PTBP3: variants seen among roughly 807,000 people sequenced by gnomAD.
PTBP3 encodes polypyrimidine tract-binding protein 3.
PTBP3 carries 20 observed loss-of-function variants against 58.7 expected under a neutral mutation model. The observed-to-expected ratio is 0.34, with a 90% CI of 0.24 to 0.50. PTBP3 has a LOEUF of 0.50. Ranked by LOEUF, PTBP3 falls within the 20% of genes least tolerant of loss-of-function variation. The probability of loss-of-function intolerance (pLI) is 0.98; values close to 1 mark genes in which losing one functional copy is unlikely to be tolerated. For missense variants in PTBP3, 509 were observed against 637.2 expected, an observed-to-expected ratio of 0.80 and a Z score of 2.17; for synonymous variants, 185 against 219.8, an observed-to-expected ratio of 0.84 and a Z score of 1.40.
chr9:112,287,274 T>C (rs1471648696), intron 2 of PTBP3, among the ~76,000 whole-genome samples: 1 of 151,942 alleles, frequency 6.6e-6, no homozygotes, highest in Non-Finnish European at 1.5e-5. Flanking sequence ...TATACATATG[T>C]GTGTTTAGAC....
chr9:112,306,591 T>C (rs1434149104), intron 1 of PTBP3, among the ~76,000 whole-genome samples: 3 of 99,576 alleles, frequency 3.0e-5, no homozygotes, highest in African/African-American at 1.4e-4. Flanking sequence ...AATTTGTATA[T>C]ATATATATAT....
At position 112,221,346 on chromosome 9, in the gene PTBP3, A is replaced by C; in HGVS notation, c.*2505T>G. 1.0e-6 allele frequency: 1 copy of C among 985,844 alleles called. No individual in the cohort carries two copies. Among genetic ancestry groups the C allele is most frequent in the Non-Finnish European group, 1.2e-6 (1 of 829,924 alleles). The allele number at this position is 985,844 out of a possible 1,614,324, so 61.1% of individuals were successfully genotyped here. A position where few individuals can be genotyped will look rare whatever the true frequency, so the allele number is the denominator to read the frequency against. On this transcript the variant is annotated 3_prime_UTR_variant, in exon 14 of 14. Transcript: ENST00000374257. Reference sequence around the variant, plus strand: ...AAAGGATTCAAATGTTCTCTCTCAGACTTAAAAGGCCATTCCCTACTTCAA... The same window carrying C: ...AAAGGATTCAAATGTTCTCTCTCAGCCTTAAAAGGCCATTCCCTACTTCAA...
intron 2 of PTBP3, among the ~76,000 whole-genome samples, chr9:112,285,580 G>T (rs10116045): frequency 2.0e-5 from 3 of 152,006 alleles, no homozygotes; most frequent in African/African-American, 7.2e-5. Flanking sequence ...TATTTCAGAC[G>T]TTGTGGGTCA....
At chr9:112,366,417 T>G in the PTBP3 span, among the ~76,000 whole-genome samples, 1 of 152,278 alleles carries the variant, frequency 6.6e-6, no homozygotes, top group Non-Finnish European at 1.5e-5. Context: ...TTTCATGAAC[T>G]GGGTCCAGTG....
chr9:112,330,730 C>T (rs1349363187), intron 1 of PTBP3, among the ~76,000 whole-genome samples: 1 of 152,128 alleles, frequency 6.6e-6, no homozygotes, highest in Non-Finnish European at 1.5e-5. Flanking sequence ...AAAGTATAGT[C>T]AAACTTCAAT....
At chr9:112,376,177 A>ATATATATATATATATC in the PTBP3 span, among the ~76,000 whole-genome samples, 1 of 128,682 alleles carries the variant, frequency 7.8e-6, no homozygotes, top group African/African-American at 2.9e-5. Context: ...ATATATATAT[A>ATATATATATATATATC]TCCTATTACT....
chr9:112,254,491 G>A (rs1836267265), intron 5 of PTBP3, among the ~76,000 whole-genome samples: 1 of 152,044 alleles, frequency 6.6e-6, no homozygotes, highest in Admixed American at 6.6e-5. Flanking sequence ...ATGATAATGG[G>A]TTAAGATCCA....
At chr9:112,323,276 G>T (rs1318403293) in intron 1 of PTBP3, among the ~76,000 whole-genome samples, 1 of 152,128 alleles carries the variant, frequency 6.6e-6, no homozygotes, top group East Asian at 1.9e-4. Flanking sequence ...CACATGGGAG[G>T]ATCCAGTTAA....
chr9:112,316,319 CT>C (rs1252647977), intron 1 of PTBP3, among the ~76,000 whole-genome samples: 1 of 152,170 alleles, frequency 6.6e-6, no homozygotes, highest in Admixed American at 6.5e-5. Flanking sequence ...TTTCAAAAGA[CT>C]TTTACCTCAT....
chr9:112,378,175 G>A, the PTBP3 span, among the ~76,000 whole-genome samples: 1 of 152,158 alleles, frequency 6.6e-6, no homozygotes, highest in African/African-American at 2.4e-5. Flanking sequence ...TGGGGTAGAA[G>A]GTCATGGGTA....
chr9:112,368,960 A>G, the PTBP3 span, among the ~76,000 whole-genome samples: 1 of 152,226 alleles, frequency 6.6e-6, no homozygotes, highest in Non-Finnish European at 1.5e-5. Context: ...TGTACAGCTC[A>G]GGCCATTGCT....
intron 2 of PTBP3, among the ~76,000 whole-genome samples, chr9:112,277,625 G>C (rs182388233): frequency 6.6e-6 from 1 of 152,018 alleles, no homozygotes; most frequent in Admixed American, 6.6e-5. Flanking sequence ...GGGAGGCTGA[G>C]GTGGGCTGAT....
At chr9:112,368,168 T>C in the PTBP3 span, among the ~76,000 whole-genome samples, 3 of 152,022 alleles carry the variant, frequency 2.0e-5, no homozygotes, top group Admixed American at 1.3e-4. Context: ...CTAATTTTTG[T>C]ATTTGTATTT....
At chr9:112,257,451 T>A (rs1836417039) in intron 5 of PTBP3, among the ~76,000 whole-genome samples, 1 of 152,214 alleles carries the variant, frequency 6.6e-6, no homozygotes, top group African/African-American at 2.4e-5. Flanking sequence ...GTTTCCCTAA[T>A]ATATTTTGCT....
chr9:112,331,467 TAA>T (rs2132495816), intron 1 of PTBP3, among the ~76,000 whole-genome samples: 1 of 152,346 alleles, frequency 6.6e-6, no homozygotes, highest in South Asian at 2.1e-4. Context: ...CATTACCTCA[TAA>T]AAGTCAACGA....
At chr9:112,257,323 C>A (rs1274944749) in intron 5 of PTBP3, among the ~76,000 whole-genome samples, 1 of 152,112 alleles carries the variant, frequency 6.6e-6, no homozygotes, top group Non-Finnish European at 1.5e-5. Flanking sequence ...ATTTTTAACA[C>A]CCTTTCATAA....
chr9:112,275,879 C>T lies in PTBP3; in HGVS notation c.169G>A (p.Val57Ile). The stretch of plus-strand genomic sequence containing the variant: ...CCTTTCAACATCAAAAGATTAGTTA[C>T]TTTGCCAAATGGTAGACCTAATGAT... ...IISLGLPFGK[V>I]TNLLMLKGKS... Residue 57 changes from valine (V) to isoleucine (I), a missense_variant, in exon 3 of 14, where the codon GTA becomes ATA. Coordinates refer to ENST00000374257, the MANE Select transcript of PTBP3 (RefSeq NM_001163788.4). 1 of 1,613,616 alleles carries T rather than the reference C, an allele frequency of 6.2e-7. No homozygotes were observed. The highest frequency in any genetic ancestry group is 2.2e-5 in the East Asian group (1 of 44,862).
At chr9:112,321,056 C>A (rs865980158) in intron 1 of PTBP3, among the ~76,000 whole-genome samples, 1 of 152,020 alleles carries the variant, frequency 6.6e-6, no homozygotes, top group Non-Finnish European at 1.5e-5. Context: ...TCAAAAGACA[C>A]CATTAAGGAA....
chr9:112,284,137 T>C (rs897871559), intron 2 of PTBP3, among the ~76,000 whole-genome samples: 5 of 152,118 alleles, frequency 3.3e-5, no homozygotes, highest in African/African-American at 1.2e-4. Context: ...TAGTCCCTGC[T>C]GAGGCACTGC....
Sources: gnomAD v4.1 joint callset for allele counts (sites outside exome capture counted in the v4.1 genomes callset) on GRCh38, gnomAD v4.1.1 for gene constraint, MANE v1.5 for transcripts, NCBI Gene and HGNC (gene_info 2026-07-23, HGNC 2026-07-21) for gene names.